The following THSD4 variants were observed in gnomAD, a reference collection of about 807,000 sequenced individuals.
THSD4 encodes thrombospondin type 1 domain containing 4.
In THSD4, 69 loss-of-function variants were observed where a neutral mutation model predicts 119.0. The ratio of observed to expected loss-of-function variants is 0.58; its 90% confidence interval spans 0.48 to 0.71. The LOEUF (loss-of-function observed/expected upper bound fraction) is 0.71, where lower values mean the gene tolerates loss of function less well. Ranked by LOEUF, THSD4 falls within the 30% of genes least tolerant of loss-of-function variation. THSD4 has a pLI of 0.00. For synonymous variants in THSD4, 524 were observed against 540.4 expected, an observed-to-expected ratio of 0.97 and a Z score of 0.42; for missense variants, 1,393 against 1,391.1, an observed-to-expected ratio of 1.00 and a Z score of -0.02.
intron 7 of THSD4, among the ~76,000 whole-genome samples, chr15:71,639,872 C>G (rs1405029482): frequency 6.6e-6 from 1 of 151,484 alleles, no homozygotes; most frequent in South Asian, 2.1e-4. Flanking sequence ...AAAAGCCAAG[C>G]CAGAAAAATA....
chr15:71,298,693 A>G (rs1019147045), intron 6 of THSD4, among the ~76,000 whole-genome samples: 3 of 147,548 alleles, frequency 2.0e-5, no homozygotes, highest in East Asian at 2.0e-4. Context: ...GCTCACTGCA[A>G]TCTCTGCCTC....
At chr15:71,532,602 A>T (rs960068043) in intron 7 of THSD4, among the ~76,000 whole-genome samples, 3 of 152,108 alleles carry the variant, frequency 2.0e-5, no homozygotes, top group African/African-American at 2.4e-5. Flanking sequence ...GGTGTGAGCC[A>T]CCACATCCAG....
At chr15:71,277,064 G>A (rs143603645) in intron 6 of THSD4, among the ~76,000 whole-genome samples, 173 of 150,640 alleles carry the variant, frequency 1.1e-3, no homozygotes, top group African/African-American at 4.0e-3. Flanking sequence ...ATCTGAGGCC[G>A]TATCCACTGC....
intron 5 of THSD4, among the ~76,000 whole-genome samples, chr15:71,250,731 G>A (rs1165164731): frequency 6.6e-6 from 1 of 152,018 alleles, no homozygotes; most frequent in Non-Finnish European, 1.5e-5. Flanking sequence ...ATATAAATAG[G>A]CAGTCATAAG....
intron 11 of THSD4, among the ~76,000 whole-genome samples, chr15:71,742,655 T>C (rs2053259057): frequency 6.6e-6 from 1 of 152,166 alleles, no homozygotes; most frequent in Non-Finnish European, 1.5e-5. Flanking sequence ...GAGGAATAAT[T>C]GAATTGCAAT....
At chr15:71,473,360 G>A (rs961723279) in intron 7 of THSD4, among the ~76,000 whole-genome samples, 6 of 152,116 alleles carry the variant, frequency 3.9e-5, no homozygotes, top group African/African-American at 1.4e-4. Context: ...GCCTGGCCCA[G>A]CTTTGAGAAT....
At position 71,215,249 on chromosome 15, in the gene THSD4, T is replaced by C. The variant is rs907997902; in HGVS notation, c.314T>C (p.Val105Ala). Residue 105 changes from valine to alanine, a missense_variant, in exon 4 of 18, where the codon GTG becomes GCG. By Grantham distance (64) the Val-to-Ala change is moderately conservative. Transcript: ENST00000261862. ...GCGCGCGCCTTCGCGGACCACGTGGTGTCGGCGGTGCGCACGTCGGTGCCA... is the reference window on the plus strand; with the variant it reads ...GCGCGCGCCTTCGCGGACCACGTGGCGTCGGCGGTGCGCACGTCGGTGCCA... ...APARAFADHVVSAVRTSVPLH... is the reference protein window; with the variant it reads ...APARAFADHVASAVRTSVPLH... 3.7e-5 allele frequency: 55 copies of C among 1,480,030 alleles called. No homozygotes were observed. Among genetic ancestry groups the C allele is most frequent in the Non-Finnish European group, 4.5e-5 (51 of 1,122,024 alleles). The allele number at this position is 1,480,030 out of a possible 1,614,324, so 91.7% of individuals were successfully genotyped here.
chr15:71,158,495 C>G (rs1429451909), intron 3 of THSD4, among the ~76,000 whole-genome samples: 1 of 152,128 alleles, frequency 6.6e-6, no homozygotes, highest in Non-Finnish European at 1.5e-5. Context: ...GCTGTTCTAA[C>G]TGGAGGGAGG....
At chr15:71,478,346 ATATTT>A (rs1434196286) in intron 7 of THSD4, among the ~76,000 whole-genome samples, 1 of 152,324 alleles carries the variant, frequency 6.6e-6, no homozygotes, top group East Asian at 1.9e-4. Context: ...ATTATTACAT[ATATTT>A]ATGTAAATCT....
At chr15:71,128,931 A>G (rs1220549468) in intron 1 of THSD4, among the ~76,000 whole-genome samples, 1 of 151,996 alleles carries the variant, frequency 6.6e-6, no homozygotes, top group Non-Finnish European at 1.5e-5. Flanking sequence ...GAAATCAGAG[A>G]ACATTAATTG....
chr15:71,739,062 C>A (rs1198003975), intron 11 of THSD4, among the ~76,000 whole-genome samples: 1 of 151,360 alleles, frequency 6.6e-6, no homozygotes, highest in South Asian at 2.1e-4. Context: ...TTACACAAAT[C>A]CCAGTTGAAA....
intron 4 of THSD4, among the ~76,000 whole-genome samples, chr15:71,233,807 T>A (rs2044080405): frequency 6.6e-6 from 1 of 152,234 alleles, no homozygotes; most frequent in Admixed American, 6.5e-5. Context: ...AGGAAAACTT[T>A]GCCAATTCCA....
At chr15:71,758,105 T>C in intron 15 of THSD4, 30 bp downstream of exon 15, 2 of 1,531,158 alleles carry the variant, frequency 1.3e-6, no homozygotes, top group Non-Finnish European at 1.8e-6. Context: ...TATGTCTGCC[T>C]GTGTCAGGCA....
intron 7 of THSD4, among the ~76,000 whole-genome samples, chr15:71,488,384 C>T (rs184415771): frequency 2.0e-5 from 3 of 152,152 alleles, no homozygotes; most frequent in African/African-American, 7.2e-5. Flanking sequence ...ATTCATAAGA[C>T]GGTTTCATTT....
rs143624641 is a variant in THSD4, at chr15:71,449,101, A to G, written c.1152+37278A>G. 1.3e-4 allele frequency among the ~76,000 whole-genome samples: 20 copies of G among 152,328 alleles called. No homozygotes were observed. The East Asian group carries it at 3.9e-3, about 29-fold the overall frequency. On this transcript the variant is annotated intron_variant, in intron 7 of 17. Coordinates refer to ENST00000261862, the MANE Select transcript of THSD4 (RefSeq NM_024817.3). ...CAGCGGGCGACCTGGTCACTGCCCC[A>G]GAGGGTCAAGGGAAACCTATTCTCC...
intron 7 of THSD4, among the ~76,000 whole-genome samples, chr15:71,527,785 T>A (rs912180833): frequency 7.1e-6 from 1 of 140,380 alleles, no homozygotes; most frequent in Non-Finnish European, 1.5e-5. Flanking sequence ...CAATCATGGC[T>A]CACTGCAGCT....
At chr15:71,461,627 T>C (rs769536257) in intron 7 of THSD4, among the ~76,000 whole-genome samples, 5 of 152,200 alleles carry the variant, frequency 3.3e-5, no homozygotes, top group Non-Finnish European at 7.3e-5. Flanking sequence ...TGTCAAAATA[T>C]ATGTAGTCCT....
chr15:71,139,555 T>G (rs2040582656), intron 1 of THSD4, among the ~76,000 whole-genome samples: 1 of 152,190 alleles, frequency 6.6e-6, no homozygotes, highest in East Asian at 1.9e-4. Context: ...TTAAGGGTCT[T>G]CAATACCAGG....
intron 7 of THSD4, among the ~76,000 whole-genome samples, chr15:71,653,828 G>A (rs954585466): frequency 1.1e-4 from 16 of 152,144 alleles, no homozygotes; most frequent in African/African-American, 3.6e-4. Flanking sequence ...TTTTACAATT[G>A]AGTCACTTTG....
Sources: gnomAD v4.1 joint callset for allele counts (sites outside exome capture counted in the v4.1 genomes callset) on GRCh38, gnomAD v4.1.1 for gene constraint, MANE v1.5 for transcripts, NCBI Gene and HGNC (gene_info 2026-07-23, HGNC 2026-07-21) for gene names.